CHRND: variants seen among roughly 807,000 people sequenced by gnomAD.
CHRND encodes the protein acetylcholine receptor subunit delta.
A neutral mutation model predicts 57.8 loss-of-function variants in CHRND; 40 were observed. The observed-to-expected ratio is 0.69, with a 90% CI of 0.54 to 0.90. CHRND has a LOEUF of 0.90. CHRND is among the 40% of genes least tolerant of loss of function. The pLI is 0.00. For synonymous variants in CHRND, 237 were observed against 270.6 expected (o/e 0.88, Z 1.22); for missense variants, 634 against 673.9 (o/e 0.94, Z 0.66).
In CHRND at chr2:232,526,192, G is replaced by A. The variant is rs762565020; in HGVS notation, c.-24G>A. On this transcript the variant is annotated 5_prime_UTR_variant, in exon 1 of 12. It removes an upstream start codon present in the reference 5' UTR. Coordinates refer to ENST00000258385, the MANE Select transcript of CHRND (RefSeq NM_000751.3). ...AGCCCTGTAGACAGGAGGGGCAGAT[G>A]CACGTCCCAGTCAGAGGGATGGGAT... The A allele has an allele frequency of 1.3e-6, 2 of 1,552,444 alleles. No individual in the cohort carries two copies. The highest frequency in any genetic ancestry group is 2.3e-5 in the East Asian group (1 of 42,636).
intron 6 of CHRND, among the ~76,000 whole-genome samples, chr2:232,529,517 C>T (rs1429012102): frequency 1.3e-5 from 2 of 152,182 alleles, no homozygotes; most frequent in African/African-American, 2.4e-5. Context: ...GCTCATTATC[C>T]CCAAGGCCCA....
intron 6 of CHRND, among the ~76,000 whole-genome samples, 185 bp from the exon 7 acceptor site, chr2:232,529,754 T>A (rs912282321): frequency 2.0e-5 from 3 of 152,110 alleles, no homozygotes; most frequent in Admixed American, 6.5e-5. Context: ...GAGGAAGATT[T>A]CCCCTCACAG....
rs145634347 is a variant in CHRND, at chr2:232,530,024, C to T, written c.705C>T (p.Asp235=). The change falls in exon 7 of 12, where the codon GAC becomes GAT. Residue 235 remains aspartate, a synonymous_variant. Coordinates refer to ENST00000258385, the MANE Select transcript of CHRND (RefSeq NM_000751.3). Reference sequence around the variant, plus strand: ...CTCTGGACAGCCCCAGCCGCCAGGACATCACCTTCTACCTCATCATCCGCC... The same window carrying T: ...CTCTGGACAGCCCCAGCCGCCAGGATATCACCTTCTACCTCATCATCCGCC... ...RAPLDSPSRQ[D]ITFYLIIRRK... 109 of 1,614,074 alleles carry T rather than the reference C, an allele frequency of 6.8e-5. No homozygotes were observed. Among genetic ancestry groups the T allele is most frequent in the Admixed American group, 1.0e-4 (6 of 60,010 alleles).
rs561839978 is a variant in CHRND, at chr2:232,531,435, A to C, written c.904A>C (p.Thr302Pro). The change falls in exon 8 of 12, where the codon ACA becomes CCA. Residue 302 changes from threonine (T) to proline (P), a missense_variant. Thr to Pro is a conservative substitution (Grantham distance 38). Transcript: ENST00000258385. ...LLLISKRLPA[T>P]SMAIPLIGKF... The stretch of plus-strand genomic sequence containing the variant: ...GCTCATCTCCAAGCGTCTGCCTGCC[A>C]CATCCATGGCCATCCCCCTTATCGG... 2 of 1,613,956 alleles carry C rather than the reference A, an allele frequency of 1.2e-6. No homozygotes were observed. The highest frequency in any genetic ancestry group is 2.2e-5 in the South Asian group (2 of 91,062).
At position 232,528,802 on chromosome 2, in the gene CHRND, C is replaced by T. The variant is rs539210904; in HGVS notation, c.510-60C>T. The T allele has an allele frequency of 3.2e-5, 50 of 1,574,104 alleles. No homozygotes were observed. In the South Asian group the frequency reaches 5.2e-4, roughly 16 times the overall value. Reference sequence around the variant, plus strand: ...CAATGGTCCTCCCTTACCAGCCCTTCCCCACTCTGTGGCCCCAGCCACTGG... The same window carrying T: ...CAATGGTCCTCCCTTACCAGCCCTTTCCCACTCTGTGGCCCCAGCCACTGG... On this transcript the variant is annotated intron_variant, in intron 5 of 11. Coordinates refer to ENST00000258385, the MANE Select transcript of CHRND (RefSeq NM_000751.3).
At chr2:232,527,310 AAGAGAGAGAGAG>A in intron 2 of CHRND, 79 bp from the exon 3 acceptor site, 3 of 913,016 alleles carry the variant, frequency 3.3e-6, no homozygotes, top group Non-Finnish European at 5.3e-6. Flanking sequence ...TGGAAAAAAA[AAGAGAGAGAGAG>A]AGAGAGAGAG....
chr2:232,527,310 AAGAGAGAGAG>A (rs1553573947), intron 2 of CHRND, 81 bp from the exon 3 acceptor site: 1 of 913,016 alleles, frequency 1.1e-6, no homozygotes, highest in East Asian at 2.6e-5. Context: ...TGGAAAAAAA[AAGAGAGAGAG>A]AGAGAGAGAG....
chr2:232,527,571 CG>C (rs1691528173), intron 3 of CHRND, 126 bp downstream of exon 3: 1 of 752,018 alleles, frequency 1.3e-6, no homozygotes, highest in African/African-American at 1.7e-5. Flanking sequence ...GGTGAAACCC[CG>C]TCTCTACTAA....
intron 2 of CHRND, 81 bp from the exon 3 acceptor site, chr2:232,527,313 AGAGAGAG>A: frequency 1.9e-6 from 2 of 1,063,862 alleles, no homozygotes; most frequent in South Asian, 1.4e-5. Flanking sequence ...AAAAAAAAAG[AGAGAGAG>A]AGAGAGAGAG....
rs201780063 is a variant in CHRND, at chr2:232,527,460, C to T, written c.243+15C>T. ...GGATAGAGCACGTAAGAATGCCCCT[C>T]CCAGCCGGGCGCAGTGGCTCATGCC... On this transcript the variant is annotated intron_variant, in intron 3 of 11. Coordinates refer to ENST00000258385, the MANE Select transcript of CHRND (RefSeq NM_000751.3). 1.9e-6 allele frequency: 3 copies of T among 1,608,102 alleles called. No individual in the cohort carries two copies. Among genetic ancestry groups the T allele is most frequent in the East Asian group, 2.2e-5 (1 of 44,730 alleles).
chr2:232,534,306 T>G lies in CHRND; in HGVS notation c.1335T>G (p.Ile445Met). The G allele has an allele frequency of 6.2e-7, 1 of 1,614,232 alleles. No individual in the cohort carries two copies. Among genetic ancestry groups the G allele is most frequent in the East Asian group, 2.2e-5 (1 of 44,878 alleles). ...LKPAVDGANFIVNHMRDQNNY... is the reference protein window; with the variant it reads ...LKPAVDGANFMVNHMRDQNNY... ...CAGCTGTGGATGGGGCAAACTTCAT[T>G]GTTAACCACATGAGGGACCAGAACA... Residue 445 changes from isoleucine (I) to methionine (M), a missense_variant, in exon 11 of 12, where the codon ATT becomes ATG. Transcript: ENST00000258385.
intron 11 of CHRND, 53 bp downstream of exon 11, chr2:232,534,395 A>T: frequency 6.5e-7 from 1 of 1,541,524 alleles, no homozygotes; most frequent in Non-Finnish European, 9.0e-7. Flanking sequence ...GCACTGATTA[A>T]GTGTATTCTA....
At chr2:232,528,714 A>G in intron 5 of CHRND, 58 bp downstream of exon 5, 1 of 1,611,848 alleles carries the variant, frequency 6.2e-7, no homozygotes, top group Non-Finnish European at 8.5e-7. Context: ...AGGCCAAAGA[A>G]GGTGACTGAA....
chr2:232,527,323 A>AGG, intron 2 of CHRND, 78 bp from the exon 3 acceptor site: 1 of 1,259,416 alleles, frequency 7.9e-7, no homozygotes, highest in Non-Finnish European at 1.2e-6. Context: ...AGAGAGAGAG[A>AGG]GAGAGAGAGA....
At chr2:232,532,288 T>C (rs1291494001) in intron 9 of CHRND, among the ~76,000 whole-genome samples, 5 of 151,852 alleles carry the variant, frequency 3.3e-5, no homozygotes, top group South Asian at 2.1e-4. Context: ...GCCAACATGG[T>C]GAAACTCCAT....
chr2:232,528,641 G>T lies in CHRND; in HGVS notation c.494G>T (p.Cys165Phe), dbSNP rs1258523257. The change falls in exon 5 of 12, where the codon TGC (cysteine) becomes TTC (phenylalanine). Residue 165 changes from cysteine (C) to phenylalanine (F), a missense_variant. Physicochemically the swap from Cys to Phe is radical, Grantham distance 205. Transcript: ENST00000258385. ...VTYFPFDWQNCSLKFSSLKYT... is the reference protein window; with the variant it reads ...VTYFPFDWQNFSLKFSSLKYT... ...TATTTCCCCTTCGACTGGCAGAACT[G>T]CTCCCTCAAGTTCAGGTGTGCCCTT... 2 of 1,613,932 alleles carry T rather than the reference G, an allele frequency of 1.2e-6. No individual in the cohort carries two copies. The highest frequency in any genetic ancestry group is 1.7e-6 in the Non-Finnish European group (2 of 1,180,042).
rs763459813 is a variant in CHRND at position 232,536,089 on chromosome 2, T to C, written c.*777T>C. On this transcript the variant is annotated 3_prime_UTR_variant, in exon 12 of 12. Transcript: ENST00000258385. The stretch of plus-strand genomic sequence containing the variant: ...CTCTGAAATTTGTCCCCTATTTTTA[T>C]TTGCTAAATCTAGCAACCCTATCCC... 1 of 454,170 alleles carries C rather than the reference T, an allele frequency of 2.2e-6. No homozygotes were observed. Among genetic ancestry groups the C allele is most frequent in the East Asian group, 6.9e-5 (1 of 14,396 alleles). 28.1% of individuals were successfully genotyped at this position (454,170 alleles called of 1,614,324 possible).
At chr2:232,528,757 G>T in intron 5 of CHRND, 101 bp downstream of exon 5, 2 of 1,584,192 alleles carry the variant, frequency 1.3e-6, no homozygotes, top group Admixed American at 3.3e-5. Context: ...GCCCTGTCTG[G>T]ATTAGTGCTG....
intron 11 of CHRND, 80 bp from the exon 12 acceptor site, chr2:232,535,050 C>A: frequency 1.3e-6 from 2 of 1,559,944 alleles, no homozygotes; most frequent in African/African-American, 1.4e-5. Context: ...CCTCTGCCTC[C>A]ATGGCTGGGC....
Sources: gnomAD v4.1 joint callset for allele counts (sites outside exome capture counted in the v4.1 genomes callset) on GRCh38, gnomAD v4.1.1 for gene constraint, MANE v1.5 for transcripts, NCBI Gene and HGNC (gene_info 2026-07-23, HGNC 2026-07-21) for gene names.